RIPOR3: variants seen among roughly 807,000 people sequenced by gnomAD.
RIPOR3 encodes family with sequence similarity 65 member C.
Under a neutral mutation model 114.3 loss-of-function variants are expected in RIPOR3, and 95 were observed. That is an observed-to-expected ratio of 0.83 (90% CI 0.70 to 0.99). The LOEUF (loss-of-function observed/expected upper bound fraction) is 0.99, where lower values mean the gene tolerates loss of function less well. Ranked by LOEUF, RIPOR3 falls within the 50% of genes least tolerant of loss-of-function variation. RIPOR3 has a pLI of 0.00. For missense variants in RIPOR3, 1,252 were observed against 1,266.9 expected, an observed-to-expected ratio of 0.99 and a Z score of 0.18; for synonymous variants, 575 against 543.8, an observed-to-expected ratio of 1.06 and a Z score of -0.80.
intron 1 of RIPOR3, among the ~76,000 whole-genome samples, chr20:50,668,690 C>T: frequency 6.6e-6 from 1 of 152,118 alleles, no homozygotes; most frequent in Non-Finnish European, 1.5e-5. Flanking sequence ...AACTCCATCT[C>T]CCCTAAAAAT....
intron 6 of RIPOR3, among the ~76,000 whole-genome samples, chr20:50,609,935 G>A (rs2083890021): frequency 2.0e-5 from 3 of 150,936 alleles, no homozygotes; most frequent in Admixed American, 1.3e-4. Context: ...GACCACATCT[G>A]CCTCACCTGC....
chr20:50,646,408 A>G (rs2085401649), intron 1 of RIPOR3, among the ~76,000 whole-genome samples: 1 of 152,016 alleles, frequency 6.6e-6, no homozygotes, highest in South Asian at 2.1e-4. Flanking sequence ...CTGGGATTAC[A>G]GGTGGGAGCC....
At chr20:50,673,268 C>T (rs1342625121) in intron 1 of RIPOR3, among the ~76,000 whole-genome samples, 1 of 152,172 alleles carries the variant, frequency 6.6e-6, no homozygotes, top group Non-Finnish European at 1.5e-5. Flanking sequence ...ACCCACAGAC[C>T]CCTCTGAGGT....
Position 50,592,348 on chromosome 20 carries a change from T to C in RIPOR3, c.2573A>G (p.Glu858Gly), listed in dbSNP as rs1177615087. ...AGAVRNRSFR[E>G]KALLFYTNAL... Reference sequence around the variant, plus strand: ...CACCTGCCCTGGACAACGTACCTTTTCCCGGAAGCTTCTGTTCCTGACTGC... The same window carrying C: ...CACCTGCCCTGGACAACGTACCTTTCCCCGGAAGCTTCTGTTCCTGACTGC... Residue 858 changes from glutamate (E) to glycine (G), a missense_variant, in exon 19 of 22, where the codon GAA becomes GGA. Coordinates refer to ENST00000327979, the MANE Select transcript of RIPOR3 (RefSeq NM_001290268.2). 5.1e-6 allele frequency: 8 copies of C among 1,569,962 alleles called. No homozygotes were observed. Among genetic ancestry groups the C allele is most frequent in the Non-Finnish European group, 6.1e-6 (7 of 1,152,688 alleles).
intron 13 of RIPOR3, among the ~76,000 whole-genome samples, chr20:50,597,941 G>A (rs150912710): frequency 1.3e-5 from 2 of 152,308 alleles, no homozygotes; most frequent in Non-Finnish European, 2.9e-5. Context: ...AGAATCTTGA[G>A]GGGGACAGAT....
intron 13 of RIPOR3, among the ~76,000 whole-genome samples, chr20:50,599,328 G>A (rs1449574419): frequency 1.3e-5 from 2 of 151,944 alleles, no homozygotes; most frequent in African/African-American, 4.8e-5. Flanking sequence ...GGAGGTGGAG[G>A]TTGCAGTAAG....
Position 50,665,421 on chromosome 20 carries a change from C to CTTTT in RIPOR3, c.3+25701_3+25704dup, listed in dbSNP as rs11471486. Among the ~76,000 whole-genome samples, 498 of 107,824 alleles carry CTTTT rather than the reference C, an allele frequency of 4.6e-3. 36 individuals are homozygous for CTTTT. The highest frequency in any genetic ancestry group is 0.014 in the African/African-American group (417 of 29,170). 70.7% of individuals were successfully genotyped at this position (107,824 alleles called of 152,430 possible). ...TACCTTGGCTCAGAGCCCCCTCTTC[C>CTTTT]TTTTTTTTTTTTTTTTTGAGATGGA... On this transcript the variant is annotated intron_variant, in intron 1 of 21. Transcript: ENST00000327979.
At chr20:50,613,762 G>A (rs1007166455) in intron 4 of RIPOR3, among the ~76,000 whole-genome samples, 3 of 152,210 alleles carry the variant, frequency 2.0e-5, no homozygotes, top group Non-Finnish European at 2.9e-5. Context: ...TCCACGGGGT[G>A]AGACTCACTG....
At chr20:50,686,034 C>T (rs1414236469) in intron 1 of RIPOR3, among the ~76,000 whole-genome samples, 1 of 151,966 alleles carries the variant, frequency 6.6e-6, no homozygotes, top group African/African-American at 2.4e-5. Flanking sequence ...GAATGAATGG[C>T]CTGAAAGCAT....
chr20:50,610,882 T>A lies in RIPOR3; in HGVS notation c.397A>T (p.Ile133Phe). 1 of 1,614,202 alleles carries A rather than the reference T, an allele frequency of 6.2e-7. No individual in the cohort carries two copies. The change falls in exon 6 of 22, where the codon ATT becomes TTT. Residue 133 changes from isoleucine to phenylalanine, a missense_variant. Coordinates refer to ENST00000327979, the MANE Select transcript of RIPOR3 (RefSeq NM_001290268.2). ...CTGATGTGAAACTCCATCTTCCGAA[T>A]GTGCCTTTCCACACAGCGCGTTTGC... ...DKQTRCVERH[I>F]RKMEFHISKV...
At chr20:50,667,260 G>A (rs1296563403) in intron 1 of RIPOR3, among the ~76,000 whole-genome samples, 3 of 147,052 alleles carry the variant, frequency 2.0e-5, no homozygotes, top group African/African-American at 7.6e-5. Flanking sequence ...TCAAAATCGG[G>A]TTTCTGCTTT....
At chr20:50,603,170 G>A (rs2083567873) in intron 12 of RIPOR3, among the ~76,000 whole-genome samples, 1 of 152,246 alleles carries the variant, frequency 6.6e-6, no homozygotes, top group African/African-American at 2.4e-5. Flanking sequence ...TGTTTCCCCT[G>A]TAGAATTTCA....
At chr20:50,630,211 G>A (rs895178549) in intron 2 of RIPOR3, among the ~76,000 whole-genome samples, 4 of 152,058 alleles carry the variant, frequency 2.6e-5, no homozygotes, top group East Asian at 1.9e-4. Flanking sequence ...CAAGTGATCC[G>A]CCCGCCTTGG....
chr20:50,633,511 C>A (rs1009349792), intron 1 of RIPOR3, among the ~76,000 whole-genome samples: 1 of 152,138 alleles, frequency 6.6e-6, no homozygotes, highest in Non-Finnish European at 1.5e-5. Context: ...CTTGATCCCC[C>A]CAGCCAAGCC....
chr20:50,637,006 C>G (rs1305839435), intron 1 of RIPOR3: 1 of 794,780 alleles, frequency 1.3e-6, no homozygotes, highest in East Asian at 1.3e-4. Flanking sequence ...AAAATAGCTC[C>G]TTTGGTTTCG....
At position 50,587,244 on chromosome 20, in the gene RIPOR3, G is replaced by T. The variant is rs770347051; in HGVS notation, c.2841C>A (p.Ile947=). Residue 947 remains isoleucine, a synonymous_variant, in exon 22 of 22, where the codon ATC becomes ATA. Coordinates refer to ENST00000327979, the MANE Select transcript of RIPOR3 (RefSeq NM_001290268.2). The stretch of plus-strand genomic sequence containing the variant: ...CAGCCAGGATTTTTTAAAATATTGT[G>T]ATTTCAACATCTGCCTCCTGGCAAA... ...EVFCQEADVE[I]TIF is the part of the protein sequence containing the mutation. 4.3e-6 allele frequency: 7 copies of T among 1,613,796 alleles called. No individual in the cohort carries two copies. Among genetic ancestry groups the T allele is most frequent in the Non-Finnish European group, 4.2e-6 (5 of 1,179,650 alleles).
At chr20:50,622,184 CTTTTT>C (rs1291668979) in intron 2 of RIPOR3, among the ~76,000 whole-genome samples, 2 of 139,738 alleles carry the variant, frequency 1.4e-5, no homozygotes, top group Admixed American at 7.2e-5. Context: ...CATCAGTTCT[CTTTTT>C]TTTTTTTTTT....
chr20:50,620,392 T>G (rs1212151267), intron 2 of RIPOR3, among the ~76,000 whole-genome samples: 2 of 152,130 alleles, frequency 1.3e-5, no homozygotes, highest in Admixed American at 6.6e-5. Context: ...TTCGGGAAGC[T>G]GAGGTGGGTG....
chr20:50,610,080 C>A (rs1161975147), intron 6 of RIPOR3, among the ~76,000 whole-genome samples: 1 of 143,552 alleles, frequency 7.0e-6, no homozygotes, highest in Middle Eastern at 3.3e-3. Context: ...GCCTCACCTG[C>A]CACCCCTGCC....
Sources: allele counts gnomAD v4.1 joint callset (sites outside exome capture counted in the v4.1 genomes callset), GRCh38; gene constraint gnomAD v4.1.1; transcripts MANE v1.5; gene names NCBI Gene and HGNC (gene_info 2026-07-23, HGNC 2026-07-21).